Variants in NCKAP5 observed in about 807,000 individuals in gnomAD.
The protein encoded by NCKAP5 is NCK associated protein 5.
In NCKAP5, 92 loss-of-function variants were observed where a neutral mutation model predicts 167.0. The observed-to-expected ratio is 0.55, with a 90% CI of 0.47 to 0.66. The LOEUF is 0.66. Ranked by LOEUF, NCKAP5 falls within the 30% of genes least tolerant of loss-of-function variation. The pLI is 0.00. For missense variants in NCKAP5, 2,378 were observed against 2,315.0 expected (o/e 1.03, Z -0.56); for synonymous variants, 891 against 877.4 (o/e 1.02, Z -0.27).
the NCKAP5 span, among the ~76,000 whole-genome samples, chr2:133,605,223 A>G: frequency 2.6e-5 from 4 of 152,086 alleles, no homozygotes; most frequent in Non-Finnish European, 5.9e-5. Flanking sequence ...CTTCTCATAT[A>G]ACGGCCTCCT....
At chr2:133,195,891 T>A (rs187160283) in intron 5 of NCKAP5, among the ~76,000 whole-genome samples, 1 of 152,184 alleles carries the variant, frequency 6.6e-6, no homozygotes, top group South Asian at 2.1e-4. Context: ...AGAGTCAAGA[T>A]TATAAATTTT....
chr2:132,772,859 C>A (rs1345019140), intron 16 of NCKAP5, among the ~76,000 whole-genome samples: 1 of 152,172 alleles, frequency 6.6e-6, no homozygotes, highest in Non-Finnish European at 1.5e-5. Context: ...AGAAAATCAG[C>A]CACAAAGTGT....
At chr2:133,468,884 G>T (rs1488023094) in intron 3 of NCKAP5, among the ~76,000 whole-genome samples, 3 of 152,032 alleles carry the variant, frequency 2.0e-5, no homozygotes, top group Non-Finnish European at 4.4e-5. Context: ...TCCATCCTTA[G>T]ATTTTGAGCC....
At chr2:133,280,220 A>G (rs1185600274) in intron 4 of NCKAP5, among the ~76,000 whole-genome samples, 1 of 152,142 alleles carries the variant, frequency 6.6e-6, no homozygotes, top group Non-Finnish European at 1.5e-5. Context: ...ACACATGCAT[A>G]TTTTTAAAGT....
chr2:132,944,593 G>C (rs563052050), intron 8 of NCKAP5, among the ~76,000 whole-genome samples: 6 of 152,252 alleles, frequency 3.9e-5, no homozygotes, highest in African/African-American at 1.4e-4. Flanking sequence ...TAAGCTTCTC[G>C]ACCTCACCAC....
intron 3 of NCKAP5, among the ~76,000 whole-genome samples, chr2:133,446,180 A>C (rs1691181619): frequency 6.6e-6 from 1 of 152,160 alleles, no homozygotes; most frequent in Non-Finnish European, 1.5e-5. Flanking sequence ...GATATGAGAA[A>C]CGCAATAATT....
chr2:133,521,664 A>C (rs1221157933), intron 2 of NCKAP5, among the ~76,000 whole-genome samples: 1 of 152,006 alleles, frequency 6.6e-6, no homozygotes, highest in Non-Finnish European at 1.5e-5. Flanking sequence ...GCACATCCCC[A>C]TGTCTCTTCC....
intron 5 of NCKAP5, among the ~76,000 whole-genome samples, chr2:133,203,699 G>A (rs765514379): frequency 4.7e-5 from 7 of 150,356 alleles, no homozygotes; most frequent in East Asian, 2.0e-4. Flanking sequence ...TCTAAGTGTC[G>A]GCAGTCCTGG....
chr2:133,585,059 A>T, the NCKAP5 span, among the ~76,000 whole-genome samples: 1 of 152,166 alleles, frequency 6.6e-6, no homozygotes, highest in Non-Finnish European at 1.5e-5. Flanking sequence ...TTGTGAGATG[A>T]CAAATTTTAA....
At chr2:133,123,952 T>C (rs1407670074) in intron 6 of NCKAP5, among the ~76,000 whole-genome samples, 1 of 152,140 alleles carries the variant, frequency 6.6e-6, no homozygotes, top group Non-Finnish European at 1.5e-5. Flanking sequence ...AAATGAACCC[T>C]AGGATTCCAT....
chr2:133,447,827 A>G (rs746955587), intron 3 of NCKAP5, among the ~76,000 whole-genome samples: 8 of 152,066 alleles, frequency 5.3e-5, no homozygotes, highest in African/African-American at 9.7e-5. Context: ...ACAGTGAATC[A>G]TCTTGCATCT....
At chr2:132,676,891 C>T (rs1164252120) in intron 19 of NCKAP5, among the ~76,000 whole-genome samples, 1 of 152,130 alleles carries the variant, frequency 6.6e-6, no homozygotes, top group Non-Finnish European at 1.5e-5. Flanking sequence ...TGTTTAAATT[C>T]CTGTAGCAGT....
At chr2:133,486,034 G>A (rs1488618089) in intron 3 of NCKAP5, among the ~76,000 whole-genome samples, 2 of 152,246 alleles carry the variant, frequency 1.3e-5, no homozygotes, top group South Asian at 2.1e-4. Context: ...TGCACGCACT[G>A]CCTCCCACCC....
chr2:133,271,024 A>G (rs2089486600), intron 4 of NCKAP5, among the ~76,000 whole-genome samples: 1 of 144,528 alleles, frequency 6.9e-6, no homozygotes, highest in Admixed American at 7.1e-5. Flanking sequence ...GGTTCACGTC[A>G]TTCTCCTGCC....
At chr2:133,051,150 T>A (rs576153184) in intron 6 of NCKAP5, among the ~76,000 whole-genome samples, 8 of 152,196 alleles carry the variant, frequency 5.3e-5, no homozygotes, top group African/African-American at 1.7e-4. Context: ...AGGCTTGGAG[T>A]AGAGAAATAA....
the NCKAP5 span, among the ~76,000 whole-genome samples, chr2:133,623,690 T>C: frequency 6.0e-5 from 9 of 151,042 alleles, no homozygotes; most frequent in African/African-American, 2.2e-4. Flanking sequence ...TTTTACACAC[T>C]GTTGGTGGTA....
At chr2:132,823,953 A>C (rs1686946883) in intron 11 of NCKAP5, among the ~76,000 whole-genome samples, 2 of 152,350 alleles carry the variant, frequency 1.3e-5, no homozygotes, top group South Asian at 2.1e-4. Flanking sequence ...GACATTATAT[A>C]ATGATAAAAG....
At chr2:133,006,329 G>A (rs2077965703) in intron 6 of NCKAP5, among the ~76,000 whole-genome samples, 1 of 152,106 alleles carries the variant, frequency 6.6e-6, no homozygotes, top group Non-Finnish European at 1.5e-5. Flanking sequence ...TATGCACCAT[G>A]CTTTTAAAAG....
intron 4 of NCKAP5, among the ~76,000 whole-genome samples, chr2:133,215,366 G>A (rs2086382278): frequency 6.6e-6 from 1 of 152,144 alleles, no homozygotes; most frequent in Non-Finnish European, 1.5e-5. Flanking sequence ...TCTCTCCCCA[G>A]AAACTGTTAA....
Sources: gnomAD v4.1 joint callset for allele counts (sites outside exome capture counted in the v4.1 genomes callset) on GRCh38, gnomAD v4.1.1 for gene constraint, MANE v1.5 for transcripts, NCBI Gene and HGNC (gene_info 2026-07-23, HGNC 2026-07-21) for gene names.